Variants in PSD2 observed in about 807,000 individuals in gnomAD.
PSD2 encodes PH and SEC7 domain-containing protein 2.
In PSD2, 38 loss-of-function variants were observed where a neutral mutation model predicts 69.8. The observed-to-expected ratio is 0.54, with a 90% CI of 0.42 to 0.71. The LOEUF (loss-of-function observed/expected upper bound fraction) is 0.71. Ranked by LOEUF, PSD2 falls within the 30% of genes least tolerant of loss-of-function variation. The pLI, the probability that PSD2 is intolerant of heterozygous loss-of-function variation, is 0.00. For missense variants in PSD2, 943 were observed against 1,014.5 expected, an observed-to-expected ratio of 0.93 and a Z score of 0.96; for synonymous variants, 412 against 423.0, an observed-to-expected ratio of 0.97 and a Z score of 0.32.
At chr5:139,840,378 G>T (rs538376198) in intron 14 of PSD2, among the ~76,000 whole-genome samples, 2 of 152,306 alleles carry the variant, frequency 1.3e-5, no homozygotes, top group South Asian at 4.1e-4. Flanking sequence ...CAGAAGCTCA[G>T]ATGAAGGCCC....
chr5:139,766,576 G>C, the PSD2 span, among the ~76,000 whole-genome samples: 1 of 152,210 alleles, frequency 6.6e-6, no homozygotes, highest in Admixed American at 6.5e-5. Context: ...ACCTTGGCCT[G>C]TAGGACCCTC....
chr5:139,763,449 G>A, the PSD2 span, among the ~76,000 whole-genome samples: 10 of 152,314 alleles, frequency 6.6e-5, no homozygotes, highest in South Asian at 2.1e-4. Flanking sequence ...GATCTTTGCC[G>A]GGGAAGGCAA....
intron 1 of PSD2, among the ~76,000 whole-genome samples, chr5:139,806,415 A>G (rs1328652441): frequency 2.0e-5 from 3 of 152,206 alleles, no homozygotes; most frequent in Admixed American, 6.5e-5. Flanking sequence ...CTAGCTGCAG[A>G]GGGAGGCTAC....
At chr5:139,834,022 T>C (rs1382893877) in intron 8 of PSD2, among the ~76,000 whole-genome samples, 1 of 152,164 alleles carries the variant, frequency 6.6e-6, no homozygotes, top group East Asian at 1.9e-4. Context: ...TTACCACCAT[T>C]ACTGTCACAG....
In PSD2 at chr5:139,814,237, C is replaced by G; in HGVS notation, c.889C>G (p.Pro297Ala). 1.2e-6 allele frequency: 2 copies of G among 1,613,854 alleles called. No homozygotes were observed. Among genetic ancestry groups the G allele is most frequent in the Non-Finnish European group, 1.7e-6 (2 of 1,179,876 alleles). The stretch of plus-strand genomic sequence containing the variant: ...GCTCAGCAGCTCGGAGGGGTTGGAG[C>G]CTGGTAGTGCAGACCCTCTGGCCAA... The part of the protein sequence containing the change: ...SELSSSEGLE[P>A]GSADPLANGC... The change falls in exon 4 of 15, where the codon CCT becomes GCT. Residue 297 changes from proline (P) to alanine (A), a missense_variant. Pro to Ala is a conservative substitution (Grantham distance 27). Coordinates refer to ENST00000274710, the MANE Select transcript of PSD2 (RefSeq NM_032289.4). The surrounding 1 kb of genome is among the most constrained non-coding windows in gnomAD (Gnocchi z 4.4).
intron 1 of PSD2, among the ~76,000 whole-genome samples, chr5:139,806,284 G>C (rs1416645437): frequency 6.6e-6 from 1 of 152,260 alleles, no homozygotes; most frequent in Non-Finnish European, 1.5e-5. Context: ...CAGGGCTGGA[G>C]GTGGGAAGGG....
the PSD2 span, among the ~76,000 whole-genome samples, chr5:139,786,498 T>G: frequency 6.6e-6 from 1 of 152,248 alleles, no homozygotes. Flanking sequence ...TAGAGCTGTT[T>G]GCTGTGCAGC....
At chr5:139,824,592 T>C (rs374166051) in intron 7 of PSD2, among the ~76,000 whole-genome samples, 1 of 152,070 alleles carries the variant, frequency 6.6e-6, no homozygotes, top group Admixed American at 6.5e-5. Flanking sequence ...GAGATGTCTC[T>C]CTCTTTACGT....
At chr5:139,792,777 T>TCCTC (rs370414868), upstream of PSD2, among the ~76,000 whole-genome samples, 1 of 150,802 alleles carries the variant, frequency 6.6e-6, no homozygotes, top group South Asian at 2.1e-4. Flanking sequence ...CTTCCTTCCT[T>TCCTC]CCTCCCTCCC....
intron 4 of PSD2, among the ~76,000 whole-genome samples, chr5:139,816,584 G>A (rs1760126637): frequency 6.6e-6 from 1 of 152,248 alleles, no homozygotes; most frequent in Non-Finnish European, 1.5e-5. Context: ...CAAATGGGCA[G>A]CGAGCTCCAG....
the PSD2 span, among the ~76,000 whole-genome samples, chr5:139,765,626 G>C: frequency 2.0e-5 from 3 of 152,342 alleles, no homozygotes; most frequent in African/African-American, 7.2e-5. Flanking sequence ...TGCTCGCAGC[G>C]GCCAGGAGGG....
In PSD2 at chr5:139,844,090, G is replaced by T. The variant is rs1016043782; in HGVS notation, c.*1616G>T. ...CCATCTGGCCCCTTCGTTTTGCTCAGAGGAAGTAAATGTTCACTTAAATGA... is the reference window on the plus strand; with the variant it reads ...CCATCTGGCCCCTTCGTTTTGCTCATAGGAAGTAAATGTTCACTTAAATGA... On this transcript the variant is annotated 3_prime_UTR_variant, in exon 15 of 15. Coordinates refer to ENST00000274710, the MANE Select transcript of PSD2 (RefSeq NM_032289.4). 6.6e-6 allele frequency: 1 copy of T among 152,222 alleles called. No individual in the cohort carries two copies. Among genetic ancestry groups the T allele is most frequent in the Non-Finnish European group, 1.5e-5 (1 of 68,048 alleles). The allele number at this position is 152,222 out of a possible 1,614,324, so 9.4% of individuals were successfully genotyped here.
In PSD2 at chr5:139,814,280, G is replaced by A; in HGVS notation, c.932G>A (p.Ser311Asn). 1 of 1,613,802 alleles carries A rather than the reference G, an allele frequency of 6.2e-7. No homozygotes were observed. Among genetic ancestry groups the A allele is most frequent in the African/African-American group, 1.3e-5 (1 of 75,034 alleles). The stretch of plus-strand genomic sequence containing the variant: ...CTGGCCAACGGGTGCCAGGGGGTCA[G>A]TGAAGCTGCTCATCGGCTGGCACGC... Reference protein sequence around the residue: ...DPLANGCQGVSEAAHRLARRL... With the variant: ...DPLANGCQGVNEAAHRLARRL... Residue 311 changes from serine to asparagine, a missense_variant, in exon 4 of 15, where the codon AGT becomes AAT. Ser to Asn is a conservative substitution (Grantham distance 46). Transcript: ENST00000274710. This position sits in a 1 kb window ranked among gnomAD's most constrained non-coding sequence, Gnocchi z 4.4.
chr5:139,807,907 G>C (rs539667641), intron 1 of PSD2, among the ~76,000 whole-genome samples: 1 of 152,358 alleles, frequency 6.6e-6, no homozygotes, highest in South Asian at 2.1e-4. Flanking sequence ...TGTAGCTTCT[G>C]GTTCGGGAGG....
At chr5:139,767,903 C>T in the PSD2 span, among the ~76,000 whole-genome samples, 1 of 152,240 alleles carries the variant, frequency 6.6e-6, no homozygotes, top group Non-Finnish European at 1.5e-5. Flanking sequence ...AGTGACAAAG[C>T]CCCTACCAGG....
At position 139,837,028 on chromosome 5, in the gene PSD2, T is replaced by A; in HGVS notation, c.1594+27T>A. Reference sequence around the variant, plus strand: ...TGGGTGTCAGGCTGGGAGAGGGGCATGGGAGGGAGGCTGGCACAGAGGGGG... The same window carrying A: ...TGGGTGTCAGGCTGGGAGAGGGGCAAGGGAGGGAGGCTGGCACAGAGGGGG... On this transcript the variant is annotated intron_variant, in intron 10 of 14. Transcript: ENST00000274710. This position sits in a 1 kb window ranked among gnomAD's most constrained non-coding sequence, Gnocchi z 5.0. 1 of 1,604,664 alleles carries A rather than the reference T, an allele frequency of 6.2e-7. No individual in the cohort carries two copies. The highest frequency in any genetic ancestry group is 8.5e-7 in the Non-Finnish European group (1 of 1,173,900).
the PSD2 span, among the ~76,000 whole-genome samples, chr5:139,780,442 G>T: frequency 7.0e-4 from 106 of 151,926 alleles, 1 homozygote; most frequent in South Asian, 0.017. Flanking sequence ...TCTTTTTTTT[G>T]TTGTTGTTGT....
At chr5:139,806,266 C>T (rs1244334538) in intron 1 of PSD2, among the ~76,000 whole-genome samples, 2 of 152,258 alleles carry the variant, frequency 1.3e-5, no homozygotes, top group Non-Finnish European at 2.9e-5. Context: ...CTCCCCTGCT[C>T]TTGCCAGCAG....
At chr5:139,802,571 A>G (rs1478521310) in intron 1 of PSD2, among the ~76,000 whole-genome samples, 1 of 151,908 alleles carries the variant, frequency 6.6e-6, no homozygotes, top group East Asian at 1.9e-4. Flanking sequence ...AAGGTGGCCC[A>G]GTGGTCAGTC....
Sources: allele counts gnomAD v4.1 joint callset (sites outside exome capture counted in the v4.1 genomes callset), GRCh38; gene constraint gnomAD v4.1.1; non-coding constraint Gnocchi (gnomAD v3.1); transcripts MANE v1.5; gene names NCBI Gene and HGNC (gene_info 2026-07-23, HGNC 2026-07-21).